The following PARG variants were observed in gnomAD, a reference collection of about 807,000 sequenced individuals.
PARG encodes mitochondrial poly(ADP-ribose) glycohydrolase.
In PARG, 35 loss-of-function variants were observed where a neutral mutation model predicts 113.0. That is an observed-to-expected ratio of 0.31 (90% CI 0.24 to 0.41). PARG has a LOEUF of 0.41. Among genes scored for constraint, PARG ranks in the 10% least tolerant of loss-of-function variants. The pLI is 1.00. For synonymous variants in PARG, 330 were observed against 409.9 expected, an observed-to-expected ratio of 0.81 and a Z score of 2.36; for missense variants, 797 against 1,169.4, an observed-to-expected ratio of 0.68 and a Z score of 4.64.
intron 9 of PARG, among the ~76,000 whole-genome samples, chr10:49,873,493 G>A (rs1157383028): frequency 1.3e-5 from 2 of 151,654 alleles, no homozygotes; most frequent in African/African-American, 2.4e-5. Flanking sequence ...AAAGAAAACT[G>A]AGTTTGAGTA....
intron 10 of PARG, among the ~76,000 whole-genome samples, chr10:49,868,513 T>TACATTC (rs1846631316): frequency 6.6e-6 from 1 of 152,122 alleles, no homozygotes; most frequent in Non-Finnish European, 1.5e-5. Flanking sequence ...CCAATAGCAA[T>TACATTC]ACATTCAAGG....
chr10:49,903,825 G>A (rs1381634436), intron 7 of PARG, among the ~76,000 whole-genome samples: 2 of 151,838 alleles, frequency 1.3e-5, no homozygotes, highest in East Asian at 1.9e-4. Context: ...GGTGGGCAGA[G>A]GCAAGGTCAT....
Position 49,879,645 on chromosome 10 carries a change from G to A in PARG, c.1988+28C>T, listed in dbSNP as rs1348100004. ...TCCTTCCACCTTTGTCTTTTTCATT[G>A]TTAAAGAGGTGTTTTCTGAAAACAT... On this transcript the variant is annotated intron_variant, in intron 9 of 17. Transcript: ENST00000616448. 13 of 1,284,636 alleles carry A rather than the reference G, an allele frequency of 1.0e-5. No homozygotes were observed. The African/African-American group carries it at 2.0e-4, about 19-fold the overall frequency. 79.6% of individuals were successfully genotyped at this position (1,284,636 alleles called of 1,614,324 possible). A position where few individuals can be genotyped will look rare whatever the true frequency, so the allele number is the denominator to read the frequency against.
intron 7 of PARG, among the ~76,000 whole-genome samples, chr10:49,896,413 T>C (rs1371241787): frequency 6.6e-6 from 1 of 152,156 alleles, no homozygotes; most frequent in Non-Finnish European, 1.5e-5. Context: ...GCCTCCCAAG[T>C]AGCTGGGACT....
At chr10:49,929,689 G>A (rs1397471174) in intron 4 of PARG, among the ~76,000 whole-genome samples, 7 of 151,732 alleles carry the variant, frequency 4.6e-5, no homozygotes, top group East Asian at 1.9e-4. Context: ...AGCCAGGCGT[G>A]GTGGTGCATG....
intron 12 of PARG, among the ~76,000 whole-genome samples, chr10:49,859,599 G>C (rs1196644545): frequency 6.6e-6 from 1 of 152,152 alleles, no homozygotes; most frequent in Non-Finnish European, 1.5e-5. Flanking sequence ...GTTTAAGATT[G>C]GCCTAACTTA....
Position 49,842,147 on chromosome 10 carries a change from G to C in PARG, c.2433-89C>G, listed in dbSNP as rs573908675. ...CAGGGGTCAGGTTGCCAAGACTTTA[G>C]CTCTGTTAAAATATTAAAAACAAAC... is the stretch of plus-strand genomic sequence containing the variant. On this transcript the variant is annotated intron_variant, in intron 14 of 17. Transcript: ENST00000616448. 5.2e-4 allele frequency: 443 copies of C among 851,274 alleles called. 5 individuals are homozygous for C. The South Asian group carries it at 6.3e-3, about 12-fold the overall frequency. The allele number at this position is 851,274 out of a possible 1,614,324, so 52.7% of individuals were successfully genotyped here. A position where few individuals can be genotyped will look rare whatever the true frequency, so the allele number is the denominator to read the frequency against.
intron 15 of PARG, among the ~76,000 whole-genome samples, chr10:49,833,468 T>C (rs1844769076): frequency 6.6e-6 from 1 of 152,236 alleles, no homozygotes; most frequent in Non-Finnish European, 1.5e-5. Flanking sequence ...AAGGGATTCC[T>C]ATACCTGGTT....
intron 13 of PARG, 39 bp downstream of exon 13, chr10:49,857,267 G>A: frequency 5.4e-6 from 4 of 739,868 alleles, no homozygotes; most frequent in Non-Finnish European, 7.2e-6. Flanking sequence ...TTCACAGATG[G>A]GGAAGACTAC....
chr10:49,925,416 T>C lies in PARG; in HGVS notation c.1456-2747A>G, dbSNP rs544259965. Among the ~76,000 whole-genome samples, 18 of 152,274 alleles carry C rather than the reference T, an allele frequency of 1.2e-4. No individual in the cohort carries two copies. The South Asian group carries it at 3.3e-3, about 28-fold the overall frequency. ...AACCAATTGCCAAGCAGAGAATCTA[T>C]GACCTGGAAGCCCCTTTCGAGTTGT... On this transcript the variant is annotated intron_variant, in intron 4 of 17. Coordinates refer to ENST00000616448, the MANE Select transcript of PARG (RefSeq NM_003631.5).
At chr10:49,897,525 C>A (rs1238173469) in intron 7 of PARG, among the ~76,000 whole-genome samples, 13 of 152,128 alleles carry the variant, frequency 8.5e-5, no homozygotes, top group Non-Finnish European at 1.3e-4. Context: ...GTGAAACACA[C>A]AAAAAAATTT....
At chr10:49,839,137 G>A (rs1159859050) in intron 15 of PARG, among the ~76,000 whole-genome samples, 2 of 152,026 alleles carry the variant, frequency 1.3e-5, no homozygotes, top group African/African-American at 2.4e-5. Flanking sequence ...AGGAGTTGGA[G>A]ACAAAACTGG....
chr10:49,935,482 CAT>C (rs1838700218), intron 1 of PARG, among the ~76,000 whole-genome samples: 3 of 152,304 alleles, frequency 2.0e-5, no homozygotes, highest in Non-Finnish European at 2.9e-5. Flanking sequence ...CATTTGTAAA[CAT>C]GCAAAATAAC....
intron 9 of PARG, among the ~76,000 whole-genome samples, chr10:49,870,174 T>C (rs1846725553): frequency 6.6e-6 from 1 of 150,960 alleles, no homozygotes; most frequent in Admixed American, 6.6e-5. Context: ...GAGCAGGTAG[T>C]AACAGTTAAA....
In PARG at chr10:49,828,064, T is replaced by C. The variant is rs538793811; in HGVS notation, c.2647+4739A>G. 3.5e-5 allele frequency among the ~76,000 whole-genome samples: 4 copies of C among 112,900 alleles called. No individual in the cohort carries two copies. In the South Asian group the frequency reaches 9.2e-4, roughly 26 times the overall value. The allele number at this position is 112,900 out of a possible 152,430, so 74.1% of individuals were successfully genotyped here. A position where few individuals can be genotyped will look rare whatever the true frequency, so the allele number is the denominator to read the frequency against. ...CAGAAGCCCCCCACGCAAAAATCTC[T>C]GCTGAGACGAGATGTAGAAAGCTTA... On this transcript the variant is annotated intron_variant, in intron 16 of 17. Coordinates refer to ENST00000616448, the MANE Select transcript of PARG (RefSeq NM_003631.5).
chr10:49,819,630 A>G, intron 17 of PARG, 136 bp from the exon 18 acceptor site: 1 of 648,882 alleles, frequency 1.5e-6, no homozygotes, highest in Non-Finnish European at 2.7e-6. Context: ...CATGAATTTC[A>G]TATGCCTGAA....
intron 4 of PARG, among the ~76,000 whole-genome samples, chr10:49,923,630 T>C (rs1368006529): frequency 6.6e-6 from 1 of 151,990 alleles, no homozygotes; most frequent in East Asian, 1.9e-4. Context: ...ACTGCCTCTG[T>C]AAAATAATTG....
intron 6 of PARG, among the ~76,000 whole-genome samples, chr10:49,920,479 TATATATATATATATATATACAC>T (rs1390598479): frequency 2.0e-5 from 2 of 98,206 alleles, no homozygotes; most frequent in African/African-American, 3.7e-5. Flanking sequence ...TATATATATA[TATATATATATATATATATACAC>T]ACACACACAC....
chr10:49,827,627 T>C (rs1844422805), intron 16 of PARG, among the ~76,000 whole-genome samples: 1 of 152,154 alleles, frequency 6.6e-6, no homozygotes, highest in African/African-American at 2.4e-5. Context: ...TGGAAGAACT[T>C]GTAAGTAAAC....
Sources: allele counts gnomAD v4.1 joint callset (sites outside exome capture counted in the v4.1 genomes callset), GRCh38; gene constraint gnomAD v4.1.1; transcripts MANE v1.5; gene names NCBI Gene and HGNC (gene_info 2026-07-23, HGNC 2026-07-21).